The following FTCD variants were observed in gnomAD, a reference collection of about 807,000 sequenced individuals.
FTCD encodes the protein formimidoyltransferase-cyclodeaminase.
In FTCD, 76 loss-of-function variants were observed where a neutral mutation model predicts 62.9. That is an observed-to-expected ratio of 1.21 (90% CI 1.00 to 1.46). The LOEUF (loss-of-function observed/expected upper bound fraction) is 1.46, where lower values mean the gene tolerates loss of function less well. Ranked by LOEUF, FTCD falls within the 40% of genes most tolerant of loss-of-function variation. The probability of loss-of-function intolerance (pLI) is 0.00; values close to 1 mark genes in which losing one functional copy is unlikely to be tolerated. For synonymous variants in FTCD, 397 were observed against 336.9 expected, an observed-to-expected ratio of 1.18 and a Z score of -1.95; for missense variants, 845 against 751.3, an observed-to-expected ratio of 1.12 and a Z score of -1.46.
chr21:46,139,177 G>T, intron 10 of FTCD: 1 of 569,798 alleles, frequency 1.8e-6, no homozygotes, highest in Non-Finnish European at 3.1e-6. Context: ...TTCCCTCAGG[G>T]CCCTTATTCT....
At chr21:46,154,538 A>AG (rs139862857) in intron 1 of FTCD, among the ~76,000 whole-genome samples, 36,233 of 152,136 alleles carry the variant, frequency 0.24, 5,247 homozygotes, top group Admixed American at 0.41. Context: ...CAGTCACTCC[A>AG]GCCCAAGCAC....
In FTCD at chr21:46,151,546, G is replaced by A. The variant is rs1215045640; in HGVS notation, c.636+12C>T. On this transcript the variant is annotated intron_variant, in intron 5 of 13. Coordinates refer to ENST00000397746, the MANE Select transcript of FTCD (RefSeq NM_206965.2). Reference sequence around the variant, plus strand: ...CTGGGTGGGGCTCCATGGGGTCAGTGAACGGGGTCACCTGGTCCTTCCCGC... The same window carrying A: ...CTGGGTGGGGCTCCATGGGGTCAGTAAACGGGGTCACCTGGTCCTTCCCGC... 1.2e-6 allele frequency: 2 copies of A among 1,609,976 alleles called. No homozygotes were observed. Among genetic ancestry groups the A allele is most frequent in the East Asian group, 4.5e-5 (2 of 44,850 alleles).
Position 46,153,014 on chromosome 21 carries a change from G to T in FTCD, c.260C>A (p.Ala87Asp). The stretch of plus-strand genomic sequence containing the variant: ...GGGGATGAAGGGGCAGACGTCTAGG[G>T]CCCCCATGCGGGGGTGCTCTCCTGC... ...RHQGEHPRMGALDVCPFIPVR... is the reference protein window; with the variant it reads ...RHQGEHPRMGDLDVCPFIPVR... Residue 87 changes from alanine to aspartate, a missense_variant, in exon 3 of 14, where the codon GCC becomes GAC. By Grantham distance (126) the Ala-to-Asp change is moderately radical. Transcript: ENST00000397746. 1 of 1,549,502 alleles carries T rather than the reference G, an allele frequency of 6.5e-7. No homozygotes were observed. Among genetic ancestry groups the T allele is most frequent in the Non-Finnish European group, 8.7e-7 (1 of 1,146,860 alleles).
Position 46,153,332 on chromosome 21 carries a change from T to G in FTCD, c.239-297A>C, listed in dbSNP as rs958716866. Among the ~76,000 whole-genome samples, 4 of 152,298 alleles carry G rather than the reference T, an allele frequency of 2.6e-5. No individual in the cohort carries two copies. The East Asian group carries it at 7.7e-4, about 29-fold the overall frequency. ...ACCTGAGCGGGTGGTCTGGCATCTC[T>G]GGGATAAACCTGTCCCTCTCCTAAC... On this transcript the variant is annotated intron_variant, in intron 2 of 13. Coordinates refer to ENST00000397746, the MANE Select transcript of FTCD (RefSeq NM_206965.2).
chr21:46,137,849 CCT>C (rs33926654), intron 12 of FTCD, among the ~76,000 whole-genome samples: 85,363 of 151,858 alleles, frequency 0.56, 24,403 homozygotes, highest in East Asian at 0.8. Flanking sequence ...AGCTGTGGCC[CCT>C]GTCAGTGTGA....
chr21:46,138,981 T>C, intron 10 of FTCD, 58 bp from the exon 11 acceptor site: 1 of 1,313,766 alleles, frequency 7.6e-7, no homozygotes, highest in Non-Finnish European at 1.1e-6. Flanking sequence ...AGCCATGCCC[T>C]CTGAGCTCCC....
At chr21:46,154,370 C>A in intron 1 of FTCD, 38 bp from the exon 2 acceptor site, 1 of 1,588,618 alleles carries the variant, frequency 6.3e-7, no homozygotes, top group African/African-American at 1.3e-5. Context: ...TCAGTCTCCC[C>A]GTTTGAAAGA....
Position 46,150,136 on chromosome 21 carries a change from C to G in FTCD, c.889G>C (p.Glu297Gln). ...CGGCCCACCAGCCTGATCCGCTGCTCCTCCTCCAGGATGAAGAGGTTCTCC... is the reference window on the plus strand; with the variant it reads ...CGGCCCACCAGCCTGATCCGCTGCTGCTCCTCCAGGATGAAGAGGTTCTCC... ...EKENLFILEEEQRIRLVVSRL... is the reference protein window; with the variant it reads ...EKENLFILEEQQRIRLVVSRL... Residue 297 changes from glutamate to glutamine, a missense_variant, in exon 7 of 14, where the codon GAG becomes CAG. Glu to Gln is a conservative substitution (Grantham distance 29). Transcript: ENST00000397746. 3 of 1,610,422 alleles carry G rather than the reference C, an allele frequency of 1.9e-6. No individual in the cohort carries two copies. The highest frequency in any genetic ancestry group is 2.5e-6 in the Non-Finnish European group (3 of 1,179,010).
chr21:46,139,476 C>G (rs1036412126), intron 10 of FTCD, among the ~76,000 whole-genome samples: 1 of 152,168 alleles, frequency 6.6e-6, no homozygotes, highest in Non-Finnish European at 1.5e-5. Context: ...CAGCTGGGAC[C>G]ACACACCAAC....
Position 46,137,284 on chromosome 21 carries a change from C to T in FTCD, c.1494G>A (p.Val498=). Residue 498 remains valine, a synonymous_variant, in exon 13 of 14, where the codon GTG becomes GTA. Transcript: ENST00000397746. ...EMGVFGAYFN[V]LINLRDITDE... ...CTGTGATGTCCCTCAGGTTGATGAG[C>T]ACGTTGAAATATGCGCCAAACACGC... 1.2e-6 allele frequency: 2 copies of T among 1,613,912 alleles called. No individual in the cohort carries two copies. The highest frequency in any genetic ancestry group is 1.6e-4 in the Middle Eastern group (1 of 6,062).
chr21:46,145,668 G>C lies in FTCD; in HGVS notation c.1099-90C>G. The C allele has an allele frequency of 3.6e-6, 3 of 824,592 alleles. No homozygotes were observed. In the South Asian group the frequency reaches 7.0e-5, roughly 19 times the overall value. The allele number at this position is 824,592 out of a possible 1,614,324, so 51.1% of individuals were successfully genotyped here. ...AGCCAGGGGCCCGGGTGATCCCTGC[G>C]GGGGTCCCACCCGTGTGGCCCCCAC... On this transcript the variant is annotated intron_variant, in intron 9 of 13. Transcript: ENST00000397746.
chr21:46,147,803 G>C (rs1423682806), intron 7 of FTCD, among the ~76,000 whole-genome samples: 1 of 151,668 alleles, frequency 6.6e-6, no homozygotes, highest in Non-Finnish European at 1.5e-5. Context: ...AATTAGCCAA[G>C]TGCGGTGGCA....
rs1212407287 is a variant in FTCD at position 46,145,836 on chromosome 21, C to T, written c.1080G>A (p.Ala360=). 39 of 1,272,856 alleles carry T rather than the reference C, an allele frequency of 3.1e-5. No individual in the cohort carries two copies. Among genetic ancestry groups the T allele is most frequent in the Non-Finnish European group, 3.7e-5 (37 of 989,998 alleles). The allele number at this position is 1,272,856 out of a possible 1,614,324, so 78.8% of individuals were successfully genotyped here. ...RSAAPGGGSV[A]AAAAAMGAAL... ...CGCTCACCATGGCCGCAGCGGCCGC[C>T]GCCACCGAGCCGCCCCCGGGGGCCG... The change falls in exon 9 of 14, where the codon GCG becomes GCA. Residue 360 remains alanine (A), a synonymous_variant. Coordinates refer to ENST00000397746, the MANE Select transcript of FTCD (RefSeq NM_206965.2).
chr21:46,149,088 A>G (rs2079209888), intron 7 of FTCD, among the ~76,000 whole-genome samples: 1 of 152,238 alleles, frequency 6.6e-6, no homozygotes, highest in Admixed American at 6.5e-5. Flanking sequence ...AAATGGGGCA[A>G]AATGCAAGCA....
rs1484053262 is a variant in FTCD at position 46,152,905 on chromosome 21, A to G, written c.367+2T>C. 6.4e-7 allele frequency: 1 copy of G among 1,569,954 alleles called. No individual in the cohort carries two copies. The highest frequency in any genetic ancestry group is 1.2e-5 in the South Asian group (1 of 85,880). On this transcript the variant is annotated splice_donor_variant, in intron 3 of 13. Transcript: ENST00000397746. LOFTEE classifies it high-confidence loss of function. Reference sequence around the variant, plus strand: ...GTGAGGGGGGCGGGGGGGCACGCTCACCTGGCACGTCCAGCTCCTCTGCCA... The same window carrying G: ...GTGAGGGGGGCGGGGGGGCACGCTCGCCTGGCACGTCCAGCTCCTCTGCCA...
rs1198545269 is a variant in FTCD at position 46,150,375 on chromosome 21, C to T, written c.774+13G>A. 1 of 1,612,528 alleles carries T rather than the reference C, an allele frequency of 6.2e-7. No homozygotes were observed. ...TCGCCCCTCACAGCAGCAGCGGCTG[C>T]TCCCGGGCTCACCTGTGCTTCTCGG... On this transcript the variant is annotated intron_variant, in intron 6 of 13. Transcript: ENST00000397746.
chr21:46,136,589 T>C, downstream of FTCD: 1 of 1,545,886 alleles, frequency 6.5e-7, no homozygotes, highest in Non-Finnish European at 8.7e-7. Context: ...TGAATACCTG[T>C]GACCCTGCCC....
chr21:46,141,506 G>A (rs1323783779), intron 10 of FTCD, among the ~76,000 whole-genome samples: 2 of 152,084 alleles, frequency 1.3e-5, no homozygotes, highest in East Asian at 3.8e-4. Context: ...CGGGTCTAAA[G>A]TTCATCAACC....
intron 10 of FTCD, among the ~76,000 whole-genome samples, chr21:46,143,890 A>G (rs530452634): frequency 6.6e-6 from 1 of 152,252 alleles, no homozygotes; most frequent in South Asian, 2.1e-4. Flanking sequence ...CCGAGGCCTA[A>G]TCGTCTCCCT....
Sources: gnomAD v4.1 joint callset for allele counts (sites outside exome capture counted in the v4.1 genomes callset) on GRCh38, gnomAD v4.1.1 for gene constraint, MANE v1.5 for transcripts, NCBI Gene and HGNC (gene_info 2026-07-23, HGNC 2026-07-21) for gene names.